Variants in CMTM6 observed in about 807,000 individuals in gnomAD.
CMTM6 encodes the protein CKLF-like MARVEL transmembrane domain-containing protein 6.
Under a neutral mutation model 13.6 loss-of-function variants are expected in CMTM6, and 5 were observed. That is an observed-to-expected ratio of 0.37 (90% CI 0.19 to 0.77). The LOEUF (loss-of-function observed/expected upper bound fraction) is 0.77. Among genes scored for constraint, CMTM6 ranks in the 30% least tolerant of loss-of-function variants. CMTM6 has a pLI of 0.50. For synonymous variants in CMTM6, 99 were observed against 84.5 expected (o/e 1.17, Z -0.94); for missense variants, 196 against 218.6 (o/e 0.90, Z 0.65).
chr3:32,496,397 C>T (rs1303026397), intron 1 of CMTM6, among the ~76,000 whole-genome samples: 2 of 151,470 alleles, frequency 1.3e-5, no homozygotes, highest in Non-Finnish European at 2.9e-5. Context: ...GCCTGGGCAA[C>T]ATGGTGAAAC....
At chr3:32,492,284 G>C (rs1213730977) in intron 1 of CMTM6, among the ~76,000 whole-genome samples, 1 of 152,112 alleles carries the variant, frequency 6.6e-6, no homozygotes, top group African/African-American at 2.4e-5. Flanking sequence ...AGAAAGGCCA[G>C]AAATGAGGGA....
chr3:32,497,111 C>T (rs1478138605), intron 1 of CMTM6, among the ~76,000 whole-genome samples: 3 of 152,026 alleles, frequency 2.0e-5, no homozygotes, highest in Admixed American at 6.6e-5. Flanking sequence ...ACACCGGGCG[C>T]GGTGGCTCAC....
chr3:32,497,807 G>C (rs1213629027), intron 1 of CMTM6, among the ~76,000 whole-genome samples: 1 of 150,472 alleles, frequency 6.6e-6, no homozygotes, highest in Non-Finnish European at 1.5e-5. Context: ...GCAATGAGCC[G>C]AGACTGCACC....
intron 1 of CMTM6, among the ~76,000 whole-genome samples, chr3:32,493,621 G>C (rs563061893): frequency 1.3e-5 from 2 of 152,212 alleles, no homozygotes; most frequent in East Asian, 3.9e-4. Context: ...CTCAAATGAG[G>C]AAAGATAGCC....
At chr3:32,485,043 G>A (rs748900142) in intron 3 of CMTM6, among the ~76,000 whole-genome samples, 12 of 112,780 alleles carry the variant, frequency 1.1e-4, no homozygotes, top group South Asian at 9.2e-4. Context: ...CCCATCCCCC[G>A]CCACAAAAGC....
chr3:32,497,844 C>T (rs771587515), intron 1 of CMTM6, among the ~76,000 whole-genome samples: 19 of 134,030 alleles, frequency 1.4e-4, no homozygotes, highest in East Asian at 2.1e-4. Flanking sequence ...GGTGACAGAG[C>T]GAGGCTTCGT....
Position 32,483,719 on chromosome 3 carries a change from C to T in CMTM6, c.*241G>A, listed in dbSNP as rs115861303. 2.8e-3 allele frequency: 816 copies of T among 293,964 alleles called. 9 individuals are homozygous for T. Among genetic ancestry groups the T allele is most frequent in the African/African-American group, 0.016 (726 of 46,194 alleles). 18.2% of individuals were successfully genotyped at this position (293,964 alleles called of 1,614,324 possible). ...TTAAAAACAATTGTTTTCTCCTCCT[C>T]CCACCAAAATCTCCATTTGAGATAA... is the stretch of plus-strand genomic sequence containing the variant. On this transcript the variant is annotated 3_prime_UTR_variant, in exon 4 of 4. Transcript: ENST00000205636.
chr3:32,481,630 A>C lies in CMTM6; in HGVS notation c.*2330T>G, dbSNP rs1279995272. 1 of 152,194 alleles carries C rather than the reference A, an allele frequency of 6.6e-6. No individual in the cohort carries two copies. The highest frequency in any genetic ancestry group is 2.4e-5 in the African/African-American group (1 of 41,444). 9.4% of individuals were successfully genotyped at this position (152,194 alleles called of 1,614,324 possible). A position where few individuals can be genotyped will look rare whatever the true frequency, so the allele number is the denominator to read the frequency against. On this transcript the variant is annotated 3_prime_UTR_variant, in exon 4 of 4. Transcript: ENST00000205636. The stretch of plus-strand genomic sequence containing the variant: ...AATTTGCCATTTTTTTGTACATAAC[A>C]GTGGTTTCTGGTCCCAAGTTCCCCT...
chr3:32,485,728 TTTG>T (rs1333907328), intron 3 of CMTM6, among the ~76,000 whole-genome samples: 1 of 152,234 alleles, frequency 6.6e-6, no homozygotes, highest in South Asian at 2.1e-4. Context: ...ATTTCTATGT[TTTG>T]TTTTTACACA....
chr3:32,488,998 G>A (rs1234949656), intron 2 of CMTM6, among the ~76,000 whole-genome samples: 2 of 152,178 alleles, frequency 1.3e-5, no homozygotes, highest in Non-Finnish European at 2.9e-5. Flanking sequence ...GCCAGGCACG[G>A]TGGCTCACGC....
chr3:32,495,023 G>A (rs1194757066), intron 1 of CMTM6, among the ~76,000 whole-genome samples: 1 of 146,702 alleles, frequency 6.8e-6, no homozygotes, highest in East Asian at 2.0e-4. Flanking sequence ...TTTTTTTTTT[G>A]CAATTCCTGT....
chr3:32,494,774 C>T (rs1697275879), intron 1 of CMTM6, among the ~76,000 whole-genome samples: 1 of 152,072 alleles, frequency 6.6e-6, no homozygotes, highest in South Asian at 2.1e-4. Flanking sequence ...TTACATATTG[C>T]ATGATTCCAT....
chr3:32,502,833 G>A lies in CMTM6; in HGVS notation c.-88C>T, dbSNP rs1697360591. On this transcript the variant is annotated 5_prime_UTR_variant, in exon 1 of 4. It adds an upstream start codon to the 5' untranslated region. Transcript: ENST00000205636. The stretch of plus-strand genomic sequence containing the variant: ...AGTCCCCGGTAGCCGGGAGGCGGCC[G>A]TCACTTCCTGGGCCTTCTCCCCGGC... 5 of 1,345,640 alleles carry A rather than the reference G, an allele frequency of 3.7e-6. No homozygotes were observed. Among genetic ancestry groups the A allele is most frequent in the South Asian group, 1.7e-5 (1 of 59,918 alleles). The allele number at this position is 1,345,640 out of a possible 1,614,324, so 83.4% of individuals were successfully genotyped here. A position where few individuals can be genotyped will look rare whatever the true frequency, so the allele number is the denominator to read the frequency against.
At chr3:32,496,771 G>A (rs180825881) in intron 1 of CMTM6, among the ~76,000 whole-genome samples, 4 of 152,220 alleles carry the variant, frequency 2.6e-5, no homozygotes, top group Admixed American at 2.6e-4. Flanking sequence ...AATTCTAGGT[G>A]GAGGATGAAA....
intron 2 of CMTM6, among the ~76,000 whole-genome samples, chr3:32,489,478 C>T (rs537556704): frequency 2.6e-5 from 4 of 151,768 alleles, no homozygotes; most frequent in Non-Finnish European, 4.4e-5. Flanking sequence ...TGGTGAAACC[C>T]TATCTCTATT....
chr3:32,502,576 C>G, intron 1 of CMTM6, 32 bp downstream of exon 1: 1 of 1,573,740 alleles, frequency 6.4e-7, no homozygotes, highest in Non-Finnish European at 8.6e-7. Flanking sequence ...CGCTCCCCAG[C>G]CCGGGCTCGC....
intron 3 of CMTM6, 119 bp from the exon 4 acceptor site, chr3:32,484,216 G>A: frequency 2.2e-6 from 2 of 928,910 alleles, no homozygotes; most frequent in South Asian, 5.1e-5. Flanking sequence ...TCTTATACAC[G>A]ACTACTCTTT....
chr3:32,496,346 C>G (rs1412705683), intron 1 of CMTM6, among the ~76,000 whole-genome samples: 1 of 151,888 alleles, frequency 6.6e-6, no homozygotes, highest in Non-Finnish European at 1.5e-5. Flanking sequence ...CTTTAGGAAG[C>G]CAAGGCGGGA....
rs142079098 is a variant in CMTM6 at position 32,498,830 on chromosome 3, G to A, written c.138+3778C>T. Among the ~76,000 whole-genome samples, 1,386 of 151,640 alleles carry A rather than the reference G, an allele frequency of 9.1e-3. 9 individuals are homozygous for A. Among genetic ancestry groups the A allele is most frequent in the Non-Finnish European group, 0.015 (989 of 67,912 alleles). Reference sequence around the variant, plus strand: ...CCTGACCTTGTGATCCGCTCACCTCGGCCTCCCAAAGTGCTGGGATTACAG... The same window carrying A: ...CCTGACCTTGTGATCCGCTCACCTCAGCCTCCCAAAGTGCTGGGATTACAG... On this transcript the variant is annotated intron_variant, in intron 1 of 3. Transcript: ENST00000205636.
Sources: gnomAD v4.1 joint callset for allele counts (sites outside exome capture counted in the v4.1 genomes callset) on GRCh38, gnomAD v4.1.1 for gene constraint, MANE v1.5 for transcripts, NCBI Gene and HGNC (gene_info 2026-07-23, HGNC 2026-07-21) for gene names.